BPI: variants seen among roughly 807,000 people sequenced by gnomAD.
The protein encoded by BPI is bactericidal permeability increasing protein.
A neutral mutation model predicts 57.6 loss-of-function variants in BPI; 48 were observed. The observed-to-expected ratio is 0.83, with a 90% CI of 0.66 to 1.06. The LOEUF (loss-of-function observed/expected upper bound fraction) is 1.06, where lower values mean the gene tolerates loss of function less well. Ranked by LOEUF, BPI falls within the 50% of genes least tolerant of loss-of-function variation. The probability of loss-of-function intolerance (pLI) is 0.00; values close to 1 mark genes in which losing one functional copy is unlikely to be tolerated. For synonymous variants in BPI, 237 were observed against 238.2 expected (o/e 0.99, Z 0.05); for missense variants, 651 against 609.7 (o/e 1.07, Z -0.71).
intron 5 of BPI, among the ~76,000 whole-genome samples, chr20:38,312,677 G>T (rs2076627313): frequency 6.6e-6 from 1 of 152,156 alleles, no homozygotes; most frequent in African/African-American, 2.4e-5. Context: ...TGACTGGAGG[G>T]GCCAGGAGTA....
At chr20:38,328,250 A>G (rs1339821355) in intron 11 of BPI, among the ~76,000 whole-genome samples, 1 of 152,094 alleles carries the variant, frequency 6.6e-6, no homozygotes, top group Non-Finnish European at 1.5e-5. Flanking sequence ...CAGTTCTCCG[A>G]CTGTCAAATA....
chr20:38,312,959 G>A (rs539554342), intron 5 of BPI, among the ~76,000 whole-genome samples: 5 of 152,202 alleles, frequency 3.3e-5, no homozygotes, highest in Non-Finnish European at 5.9e-5. Context: ...CCAATGAGCA[G>A]GACATTCCCC....
At position 38,323,965 on chromosome 20, in the gene BPI, C is replaced by T. The variant is rs1317627477; in HGVS notation, c.852C>T (p.Gly284=). 7 of 1,614,184 alleles carry T rather than the reference C, an allele frequency of 4.3e-6. No homozygotes were observed. The highest frequency in any genetic ancestry group is 1.7e-5 in the Admixed American group (1 of 60,026). The change falls in exon 8 of 15, where the codon GGC becomes GGT. Residue 284 remains glycine (G), a synonymous_variant. Transcript: ENST00000642449. The part of the protein sequence containing the change: ...PAAHDRMVYL[G]LSDYFFNTAG... ...CCCATGACCGCATGGTATACCTGGG[C>T]CTCTCAGACTACTTCTTCAACACAG...
chr20:38,307,817 A>T, intron 2 of BPI, 136 bp downstream of exon 2: 1 of 723,238 alleles, frequency 1.4e-6, no homozygotes, highest in Non-Finnish European at 2.2e-6. Flanking sequence ...ACATCATCCC[A>T]AGGGGAGGCA....
chr20:38,321,615 T>C (rs1294557187), intron 7 of BPI: 1 of 152,132 alleles, frequency 6.6e-6, no homozygotes, highest in African/African-American at 2.4e-5. Flanking sequence ...TCCATATTGG[T>C]GATTTGCTTG....
chr20:38,327,039 T>C (rs2076716939), intron 10 of BPI, among the ~76,000 whole-genome samples: 1 of 152,240 alleles, frequency 6.6e-6, no homozygotes, highest in African/African-American at 2.4e-5. Flanking sequence ...TATGCATTCA[T>C]CCCTTTGATC....
At chr20:38,335,192 G>C (rs2076761393) in intron 13 of BPI, among the ~76,000 whole-genome samples, 1 of 152,136 alleles carries the variant, frequency 6.6e-6, no homozygotes, top group Non-Finnish European at 1.5e-5. Flanking sequence ...GCAGTATGTG[G>C]GGGGCTTGCC....
chr20:38,327,500 C>T (rs773733017), intron 10 of BPI, 88 bp from the exon 11 acceptor site: 47 of 1,436,644 alleles, frequency 3.3e-5, no homozygotes, highest in Admixed American at 3.2e-4. Context: ...CCTGCTGAGC[C>T]GTTGTGAAGC....
At chr20:38,335,103 C>G (rs1179147330) in intron 13 of BPI, among the ~76,000 whole-genome samples, 1 of 152,166 alleles carries the variant, frequency 6.6e-6, no homozygotes, top group Admixed American at 6.5e-5. Context: ...GTCCTCCTAC[C>G]TTGACAAATG....
intron 2 of BPI, 40 bp downstream of exon 2, chr20:38,307,721 T>G (rs901362506): frequency 1.3e-6 from 2 of 1,516,982 alleles, no homozygotes; most frequent in Non-Finnish European, 9.1e-7. Flanking sequence ...TTGCAGGACT[T>G]GTAGTGTTCT....
At chr20:38,331,580 A>C (rs933944475) in intron 12 of BPI, among the ~76,000 whole-genome samples, 11 of 152,188 alleles carry the variant, frequency 7.2e-5, no homozygotes, top group African/African-American at 2.4e-4. Flanking sequence ...ATGGTGGCTC[A>C]TGTCCATAAT....
At chr20:38,308,824 A>G in intron 2 of BPI, 106 bp from the exon 3 acceptor site, 1 of 1,433,790 alleles carries the variant, frequency 7.0e-7, no homozygotes, top group Non-Finnish European at 9.6e-7. Flanking sequence ...GATGGAGTGA[A>G]GGACCAGGTG....
At chr20:38,314,651 G>A (rs1263932335) in intron 5 of BPI, among the ~76,000 whole-genome samples, 1 of 146,320 alleles carries the variant, frequency 6.8e-6, no homozygotes, top group African/African-American at 2.6e-5. Flanking sequence ...TGGTGATGGT[G>A]GGGATGATGA....
intron 11 of BPI, among the ~76,000 whole-genome samples, chr20:38,329,030 T>TAAACAAAC (rs1161420348): frequency 6.6e-6 from 1 of 150,866 alleles, no homozygotes; most frequent in African/African-American, 2.5e-5. Flanking sequence ...AATAAATAAA[T>TAAACAAAC]AAACAAATAG....
chr20:38,311,564 T>C (rs568579008), intron 4 of BPI, among the ~76,000 whole-genome samples: 1 of 152,118 alleles, frequency 6.6e-6, no homozygotes, highest in East Asian at 1.9e-4. Context: ...AAAGGCACGG[T>C]AATGGGAGGA....
chr20:38,307,878 G>A (rs5741800), intron 2 of BPI, among the ~76,000 whole-genome samples, 197 bp downstream of exon 2: 81,793 of 152,020 alleles, frequency 0.54, 22,526 homozygotes, highest in South Asian at 0.63. Flanking sequence ...CTCCCAGGAA[G>A]TGTGTCATGA....
At chr20:38,329,597 G>T (rs1600712559) in intron 11 of BPI, among the ~76,000 whole-genome samples, 3 of 152,362 alleles carry the variant, frequency 2.0e-5, no homozygotes, top group Non-Finnish European at 4.4e-5. Flanking sequence ...AATCCACGGA[G>T]CAGAAATCCT....
intron 13 of BPI, chr20:38,335,357 G>C (rs901614044): frequency 3.5e-6 from 2 of 571,478 alleles, no homozygotes; most frequent in Non-Finnish European, 6.3e-6. Context: ...CCCTCAGGAG[G>C]GCCATCATGG....
intron 7 of BPI, among the ~76,000 whole-genome samples, chr20:38,322,739 A>G (rs957764715): frequency 6.6e-6 from 1 of 152,130 alleles, no homozygotes; most frequent in Non-Finnish European, 1.5e-5. Flanking sequence ...GCCTCCGGTC[A>G]CTGGGATTAC....
Sources: allele counts gnomAD v4.1 joint callset (sites outside exome capture counted in the v4.1 genomes callset), GRCh38; gene constraint gnomAD v4.1.1; transcripts MANE v1.5; gene names NCBI Gene and HGNC (gene_info 2026-07-23, HGNC 2026-07-21).